GCNT1: variants seen among roughly 807,000 people sequenced by gnomAD.
GCNT1 encodes glucosaminyl (N-acetyl) transferase 1, also known as beta-1,3-galactosyl-O-glycosyl-glycoprotein beta-1,6-N-acetylglucosaminyltransferase.
Under a neutral mutation model 26.2 loss-of-function variants are expected in GCNT1, and 16 were observed. The ratio of observed to expected loss-of-function variants is 0.61; its 90% CI spans 0.41 to 0.93. GCNT1 has a LOEUF of 0.93. Ranked by LOEUF, GCNT1 falls within the 40% of genes least tolerant of loss-of-function variation. The probability of loss-of-function intolerance (pLI) is 0.00; values close to 1 mark genes in which losing one functional copy is unlikely to be tolerated. For synonymous variants in GCNT1, 183 were observed against 190.8 expected (o/e 0.96, Z 0.34); for missense variants, 477 against 526.7 (o/e 0.91, Z 0.92).
chr9:76,502,571 C>T lies in GCNT1; in HGVS notation c.190C>T (p.Gln64Ter), dbSNP rs750515188. ...SSDINCTKVL[Q>*]GDVNEIQKVK... ...TGATATTAATTGCACCAAAGTTTTA[C>T]AGGGTGATGTAAATGAAATCCAAAA... is the stretch of plus-strand genomic sequence containing the variant. Residue 64 changes from glutamine (Q) to a stop codon, truncating the protein, a stop_gained, in exon 4 of 4, where the codon CAG becomes TAG. Transcript: ENST00000376730. LOFTEE classifies it high-confidence loss of function. 1 of 1,613,882 alleles carries T rather than the reference C, an allele frequency of 6.2e-7. No individual in the cohort carries two copies. Among genetic ancestry groups the T allele is most frequent in the Non-Finnish European group, 8.5e-7 (1 of 1,179,868 alleles).
intron 2 of GCNT1, among the ~76,000 whole-genome samples, chr9:76,497,944 A>G (rs1347297675): frequency 6.6e-6 from 1 of 151,830 alleles, no homozygotes; most frequent in Non-Finnish European, 1.5e-5. Context: ...CTATCTACCT[A>G]GAGAACTTTC....
intron 2 of GCNT1, among the ~76,000 whole-genome samples, chr9:76,492,641 GT>G (rs1389446863): frequency 6.7e-6 from 1 of 150,130 alleles, no homozygotes; most frequent in Non-Finnish European, 1.5e-5. Context: ...GAGAAACTTT[GT>G]GCCTTCCAGT....
the GCNT1 span, chr9:76,399,468 T>C: frequency 6.3e-7 from 1 of 1,583,904 alleles, no homozygotes; most frequent in South Asian, 1.1e-5. Flanking sequence ...GTGCCCTCTG[T>C]GCCTATTCAG....
At chr9:76,457,904 G>A (rs1251971791), upstream of GCNT1, among the ~76,000 whole-genome samples, 1 of 152,064 alleles carries the variant, frequency 6.6e-6, no homozygotes, top group African/African-American at 2.4e-5. Flanking sequence ...CCCCAATGAA[G>A]AGGATACACA....
chr9:76,480,270 GT>G lies in GCNT1; in HGVS notation c.-290+20096del, dbSNP rs1564239310. On this transcript the variant is annotated intron_variant, in intron 2 of 3. Coordinates refer to ENST00000376730, the MANE Select transcript of GCNT1 (RefSeq NM_001490.5). ...TTGGTTACTGTAGCCTTGTAGCATA[GT>G]TTGAAGTCAGGTAGTGTGATGCCTC... is the stretch of plus-strand genomic sequence containing the variant. 6.6e-5 allele frequency among the ~76,000 whole-genome samples: 10 copies of G among 152,188 alleles called. No individual in the cohort carries two copies. In the South Asian group the frequency reaches 2.1e-3, roughly 32 times the overall value.
chr9:76,486,933 AAACAAAC>A (rs1824595447), intron 2 of GCNT1, among the ~76,000 whole-genome samples: 1 of 151,952 alleles, frequency 6.6e-6, no homozygotes, highest in Non-Finnish European at 1.5e-5. Context: ...ACAAACAAAC[AAACAAAC>A]AAAACTAGAT....
the GCNT1 span, among the ~76,000 whole-genome samples, chr9:76,394,747 T>G: frequency 3.3e-5 from 5 of 152,198 alleles, no homozygotes; most frequent in African/African-American, 4.8e-5. Flanking sequence ...TTTTTTTTTC[T>G]CCTTCCTCCT....
rs547939879 is a variant in GCNT1 at position 76,472,720 on chromosome 9, CTTTCTTTTCT to C, written c.-290+12567_-290+12576del. 6.9e-3 allele frequency among the ~76,000 whole-genome samples: 900 copies of C among 130,200 alleles called. 1 individual carries two copies. The highest frequency in any genetic ancestry group is 0.012 in the Non-Finnish European group (743 of 62,966). 85.4% of individuals were successfully genotyped at this position (130,200 alleles called of 152,430 possible). A position where few individuals can be genotyped will look rare whatever the true frequency, so the allele number is the denominator to read the frequency against. On this transcript the variant is annotated intron_variant, in intron 2 of 3. Transcript: ENST00000376730. The stretch of plus-strand genomic sequence containing the variant: ...CCAAACCAGCAACAGAGAATCTTGT[CTTTCTTTTCT>C]TTTCTTTTCTTTTCTTTTCTTTTTT...
chr9:76,417,781 T>C (rs1823145780), upstream of GCNT1, among the ~76,000 whole-genome samples: 1 of 152,222 alleles, frequency 6.6e-6, no homozygotes, highest in Admixed American at 6.5e-5. Flanking sequence ...CATTAATTTC[T>C]TCAGTAATTT....
intron 2 of GCNT1, among the ~76,000 whole-genome samples, chr9:76,478,059 A>G (rs113246186): frequency 6.6e-6 from 1 of 152,122 alleles, no homozygotes; most frequent in Non-Finnish European, 1.5e-5. Flanking sequence ...ACCAATCAGC[A>G]CTCTGTAAAA....
upstream of GCNT1, among the ~76,000 whole-genome samples, chr9:76,417,423 A>G (rs957345530): frequency 1.3e-5 from 2 of 152,228 alleles, no homozygotes; most frequent in Admixed American, 6.5e-5. Flanking sequence ...CTGACAATAG[A>G]TGGATGAACA....
At chr9:76,491,402 A>G (rs1363794943) in intron 2 of GCNT1, among the ~76,000 whole-genome samples, 1 of 152,130 alleles carries the variant, frequency 6.6e-6, no homozygotes, top group Non-Finnish European at 1.5e-5. Flanking sequence ...TCCTTGTGGT[A>G]TTTAATGGGT....
intron 1 of GCNT1, among the ~76,000 whole-genome samples, chr9:76,425,137 TAAAAAAAAAAAAA>T (rs1194003045): frequency 2.7e-5 from 2 of 73,034 alleles, no homozygotes; most frequent in African/African-American, 5.6e-5. Context: ...AAACTCCGTC[TAAAAAAAAAAAAA>T]AAAAAAAAAA....
chr9:76,449,680 T>G (rs573647520), intron 1 of GCNT1, among the ~76,000 whole-genome samples: 8 of 152,372 alleles, frequency 5.3e-5, no homozygotes, highest in African/African-American at 1.9e-4. Flanking sequence ...TCATCCTCTG[T>G]TAAAATGCTG....
chr9:76,399,421 T>C, the GCNT1 span: 19 of 1,506,480 alleles, frequency 1.3e-5, no homozygotes, highest in Admixed American at 1.7e-5. Context: ...TCACTGCTAC[T>C]CAGCCTGAGG....
intron 2 of GCNT1, among the ~76,000 whole-genome samples, chr9:76,469,595 C>G (rs1052613058): frequency 1.3e-5 from 2 of 152,150 alleles, no homozygotes; most frequent in African/African-American, 4.8e-5. Context: ...TTGAGCTGAG[C>G]TTTTGCTTAT....
chr9:76,477,852 T>G (rs1824289458), intron 2 of GCNT1, among the ~76,000 whole-genome samples: 1 of 152,230 alleles, frequency 6.6e-6, no homozygotes, highest in South Asian at 2.1e-4. Context: ...TTGACTACTC[T>G]AGGTACCTCT....
At chr9:76,416,546 A>G (rs1823134872), upstream of GCNT1, among the ~76,000 whole-genome samples, 1 of 152,220 alleles carries the variant, frequency 6.6e-6, no homozygotes, top group African/African-American at 2.4e-5. Context: ...TGCTTGCCCC[A>G]GCCTTGGCAC....
At chr9:76,480,935 G>A (rs1474970443) in intron 2 of GCNT1, among the ~76,000 whole-genome samples, 1 of 151,592 alleles carries the variant, frequency 6.6e-6, no homozygotes, top group Non-Finnish European at 1.5e-5. Context: ...TTTTAATATA[G>A]GATTACTCAG....
Sources: allele counts gnomAD v4.1 joint callset (sites outside exome capture counted in the v4.1 genomes callset), GRCh38; gene constraint gnomAD v4.1.1; transcripts MANE v1.5; gene names NCBI Gene and HGNC (gene_info 2026-07-23, HGNC 2026-07-21).